Variants in TRIO observed in about 807,000 individuals in gnomAD.
TRIO encodes the protein triple functional domain protein.
Under a neutral mutation model 351.9 loss-of-function variants are expected in TRIO, and 58 were observed. That is an observed-to-expected ratio of 0.16 (90% CI 0.13 to 0.21). The LOEUF (loss-of-function observed/expected upper bound fraction) is 0.21. Ranked by LOEUF, TRIO falls within the 10% of genes least tolerant of loss-of-function variation. TRIO has a pLI of 1.00. For missense variants in TRIO, 3,201 were observed against 4,027.8 expected (o/e 0.79, Z 5.56); for synonymous variants, 1,758 against 1,595.7 (o/e 1.10, Z -2.42).
chr5:14,300,492 G>A (rs1737782327), intron 7 of TRIO, among the ~76,000 whole-genome samples: 1 of 152,210 alleles, frequency 6.6e-6, no homozygotes, highest in Non-Finnish European at 1.5e-5. Context: ...TATCCACTCG[G>A]GTAGTGCTTG....
chr5:14,480,188 C>A (rs191051150), intron 43 of TRIO, among the ~76,000 whole-genome samples, 177 bp downstream of exon 43: 1 of 151,280 alleles, frequency 6.6e-6, no homozygotes, highest in African/African-American at 2.4e-5. Flanking sequence ...GGTGAGGTGG[C>A]GGGACAGACT....
chr5:14,254,313 A>G, intron 1 of TRIO, among the ~76,000 whole-genome samples: 1 of 151,992 alleles, frequency 6.6e-6, no homozygotes, highest in East Asian at 1.9e-4. Flanking sequence ...CCTCCCAAGT[A>G]GCTGGGATTA....
rs192883607 is a variant in TRIO, at chr5:14,147,860, A to G, written c.157+3978A>G. On this transcript the variant is annotated intron_variant, in intron 1 of 56. Transcript: ENST00000344204. ...CCTTGTGAGCACCAATAATGATTGT[A>G]TTACAAAGTGGGTCCTTGTTACCCT... 6.4e-4 allele frequency among the ~76,000 whole-genome samples: 98 copies of G among 152,336 alleles called. No individual in the cohort carries two copies. In the South Asian group the frequency reaches 8.1e-3, roughly 13 times the overall value.
chr5:14,257,706 C>G (rs1335756795), intron 1 of TRIO, among the ~76,000 whole-genome samples: 1 of 152,150 alleles, frequency 6.6e-6, no homozygotes, highest in African/African-American at 2.4e-5. Flanking sequence ...GGTTAATTTA[C>G]TATGATTGTG....
chr5:14,169,536 G>T (rs965844021), intron 1 of TRIO, among the ~76,000 whole-genome samples: 1 of 152,184 alleles, frequency 6.6e-6, no homozygotes, highest in African/African-American at 2.4e-5. Flanking sequence ...GGTTTCTCTT[G>T]TGATTGTCAA....
At chr5:14,308,984 G>T (rs996959995) in intron 8 of TRIO, among the ~76,000 whole-genome samples, 1 of 150,598 alleles carries the variant, frequency 6.6e-6, no homozygotes, top group South Asian at 2.1e-4. Flanking sequence ...ACTGTCCATC[G>T]CCACCTCATC....
At chr5:14,250,786 G>C (rs766839559) in intron 1 of TRIO, among the ~76,000 whole-genome samples, 1 of 152,170 alleles carries the variant, frequency 6.6e-6, no homozygotes, top group Non-Finnish European at 1.5e-5. Context: ...CATCCTGTTT[G>C]ATTGAGGGCA....
chr5:14,389,659 C>G (rs976464279), intron 25 of TRIO, among the ~76,000 whole-genome samples: 2 of 152,160 alleles, frequency 1.3e-5, no homozygotes, highest in South Asian at 2.1e-4. Flanking sequence ...AGCTTAATTT[C>G]TCTGAAGCCG....
At chr5:14,340,030 A>G (rs763873605) in intron 11 of TRIO, among the ~76,000 whole-genome samples, 2 of 152,242 alleles carry the variant, frequency 1.3e-5, no homozygotes, top group Admixed American at 1.3e-4. Context: ...GCTAAAAGAT[A>G]CACATTGTCT....
chr5:14,200,952 C>T (rs760405106), intron 1 of TRIO, among the ~76,000 whole-genome samples: 1 of 152,024 alleles, frequency 6.6e-6, no homozygotes, highest in Non-Finnish European at 1.5e-5. Context: ...TAAAAAATAA[C>T]AGTACATAAA....
At chr5:14,493,218 C>T (rs1261258608) in intron 49 of TRIO, among the ~76,000 whole-genome samples, 2 of 149,378 alleles carry the variant, frequency 1.3e-5, no homozygotes, top group African/African-American at 5.1e-5. Context: ...GGAGCAGGAC[C>T]AGTAGGGAGC....
chr5:14,428,845 G>A (rs1489572847), intron 34 of TRIO, among the ~76,000 whole-genome samples: 1 of 152,154 alleles, frequency 6.6e-6, no homozygotes, highest in Non-Finnish European at 1.5e-5. Context: ...AATCAGCGAG[G>A]AGCTCGTGGG....
chr5:14,474,171 A>C (rs1182180135), intron 40 of TRIO, 74 bp downstream of exon 40: 1 of 1,448,270 alleles, frequency 6.9e-7, no homozygotes, highest in African/African-American at 1.4e-5. Context: ...GCCAGGCCAA[A>C]GGGAATTTAT....
At chr5:14,483,239 C>T (rs945119340) in intron 46 of TRIO, among the ~76,000 whole-genome samples, 2 of 152,190 alleles carry the variant, frequency 1.3e-5, no homozygotes, top group Non-Finnish European at 1.5e-5. Flanking sequence ...TGTAGCTTAT[C>T]CTCTAATAGG....
rs561122745 is a variant in TRIO, at chr5:14,356,206, A to T, written c.2047-1972A>T. 1.4e-4 allele frequency among the ~76,000 whole-genome samples: 22 copies of T among 152,352 alleles called. No individual in the cohort carries two copies. In the South Asian group the frequency reaches 4.3e-3, roughly 30 times the overall value. ...ATAACAATAAAAGTATATTTTATGT[A>T]TGTAAATATTGCTCAGTGAACAAAT... On this transcript the variant is annotated intron_variant, in intron 11 of 56. Transcript: ENST00000344204.
intron 33 of TRIO, among the ~76,000 whole-genome samples, chr5:14,411,919 A>C (rs1335406092): frequency 6.6e-6 from 1 of 151,574 alleles, no homozygotes; most frequent in Admixed American, 6.6e-5. Context: ...AGTTTCAGTT[A>C]TTCTTAATGA....
At chr5:14,488,561 C>A in intron 48 of TRIO, 2 of 515,626 alleles carry the variant, frequency 3.9e-6, no homozygotes, top group South Asian at 3.2e-5. Flanking sequence ...CTTTTTTAAC[C>A]TCTGCCTTCC....
intron 34 of TRIO, among the ~76,000 whole-genome samples, chr5:14,460,430 C>T (rs1753693137): frequency 2.0e-5 from 3 of 152,124 alleles, no homozygotes; most frequent in Non-Finnish European, 4.4e-5. Flanking sequence ...ATGCTGGTCT[C>T]CCAGAGGCTG....
intron 1 of TRIO, among the ~76,000 whole-genome samples, chr5:14,225,993 C>T (rs893279607): frequency 3.3e-5 from 5 of 152,308 alleles, no homozygotes; most frequent in African/African-American, 9.6e-5. Context: ...CGTGGCAGGG[C>T]TGATGCTTCC....
Sources: gnomAD v4.1 joint callset for allele counts (sites outside exome capture counted in the v4.1 genomes callset) on GRCh38, gnomAD v4.1.1 for gene constraint, MANE v1.5 for transcripts, NCBI Gene and HGNC (gene_info 2026-07-23, HGNC 2026-07-21) for gene names.